TECPR2: variants seen among roughly 807,000 people sequenced by gnomAD.
The protein encoded by TECPR2 is tectonin beta-propeller repeat containing 2, also known as tectonin beta-propeller repeat-containing protein 2.
TECPR2 carries 65 observed loss-of-function variants against 138.1 expected under a neutral mutation model. The observed-to-expected ratio is 0.47, with a 90% CI of 0.39 to 0.58. TECPR2 has a LOEUF of 0.58. TECPR2 is among the 20% of genes least tolerant of loss of function. TECPR2 has a pLI of 0.00. For missense variants in TECPR2, 1,553 were observed against 1,824.5 expected, an observed-to-expected ratio of 0.85 and a Z score of 2.71; for synonymous variants, 746 against 749.8, an observed-to-expected ratio of 0.99 and a Z score of 0.08.
intron 16 of TECPR2, among the ~76,000 whole-genome samples, chr14:102,457,582 T>C (rs1595136496): frequency 6.6e-6 from 1 of 151,872 alleles, no homozygotes; most frequent in Admixed American, 6.6e-5. Flanking sequence ...TTAATTGGGG[T>C]GCTTCATTTA....
At chr14:102,470,639 CTTTT>C (rs200949179) in intron 17 of TECPR2, among the ~76,000 whole-genome samples, 2 of 136,006 alleles carry the variant, frequency 1.5e-5, no homozygotes, top group Non-Finnish European at 3.2e-5. Context: ...TCTTCTTCTT[CTTTT>C]TTTTTTTTTT....
rs374214628 is a variant in TECPR2 at position 102,498,648 on chromosome 14, C to T, written c.*391C>T. On this transcript the variant is annotated 3_prime_UTR_variant, in exon 20 of 20. Coordinates refer to ENST00000359520, the MANE Select transcript of TECPR2 (RefSeq NM_014844.5). ...TGGTTTGGCCCAGGGCCTCCTTCCA[C>T]ATTAGTAGCCCCAGGGCCAGATGGA... The T allele has an allele frequency of 5.3e-4, 214 of 402,136 alleles. No homozygotes were observed. Among genetic ancestry groups the T allele is most frequent in the African/African-American group, 4.1e-3 (198 of 48,864 alleles). The allele number at this position is 402,136 out of a possible 1,614,324, so 24.9% of individuals were successfully genotyped here.
chr14:102,431,927 C>G lies in TECPR2; in HGVS notation c.1216C>G (p.Pro406Ala). The change falls in exon 8 of 20, where the codon CCA becomes GCA. Residue 406 changes from proline to alanine, a missense_variant. By Grantham distance (27) the Pro-to-Ala change is conservative (BLOSUM62 -1). Transcript: ENST00000359520. ...CATGGCCAGCTCCGTGGCCAGCGAGCCAAGGAGCAGGAGCAGCTCGCTCAA... is the reference window on the plus strand; with the variant it reads ...CATGGCCAGCTCCGTGGCCAGCGAGGCAAGGAGCAGGAGCAGCTCGCTCAA... The part of the protein sequence containing the change: ...SSMASSVASE[P>A]RSRSSSLNST... 5.0e-6 allele frequency: 8 copies of G among 1,611,242 alleles called. No individual in the cohort carries two copies. The African/African-American group carries it at 5.3e-5, about 11-fold the overall frequency.
chr14:102,399,435 G>A (rs1441898193), intron 2 of TECPR2, among the ~76,000 whole-genome samples: 4 of 152,106 alleles, frequency 2.6e-5, no homozygotes, highest in African/African-American at 7.2e-5. Flanking sequence ...AAAAATGGAG[G>A]GAGTTCATTA....
At chr14:102,455,785 G>T (rs1000282567) in intron 16 of TECPR2, among the ~76,000 whole-genome samples, 1 of 152,164 alleles carries the variant, frequency 6.6e-6, no homozygotes. Context: ...CTAATTTTTT[G>T]TATTTTTAGT....
rs79219078 is a variant in TECPR2, at chr14:102,363,151, C to G, written c.-73+35C>G. 1.8e-4 allele frequency: 61 copies of G among 340,236 alleles called. No individual in the cohort carries two copies. In the East Asian group the frequency reaches 2.8e-3, roughly 16 times the overall value. 21.1% of individuals were successfully genotyped at this position (340,236 alleles called of 1,614,324 possible). A position where few individuals can be genotyped will look rare whatever the true frequency, so the allele number is the denominator to read the frequency against. ...GCGACGCCGCAAGCGGCCCCGACGC[C>G]CCCGACGCCCCCGACGCCTGGCCCC... is the stretch of plus-strand genomic sequence containing the variant. On this transcript the variant is annotated intron_variant, in intron 1 of 19. Coordinates refer to ENST00000359520, the MANE Select transcript of TECPR2 (RefSeq NM_014844.5).
intron 17 of TECPR2, 109 bp from the exon 18 acceptor site, chr14:102,496,870 C>T: frequency 6.6e-7 from 1 of 1,514,402 alleles, no homozygotes; most frequent in Non-Finnish European, 8.9e-7. Flanking sequence ...GCGGGGCCCA[C>T]ACTGGCTGCT....
intron 16 of TECPR2, among the ~76,000 whole-genome samples, chr14:102,457,276 G>A (rs1890297783): frequency 1.3e-5 from 2 of 151,958 alleles, no homozygotes; most frequent in African/African-American, 2.4e-5. Context: ...GTAGAGACGG[G>A]GTTTCACCAT....
At chr14:102,481,829 C>T (rs1015915984) in intron 17 of TECPR2, among the ~76,000 whole-genome samples, 6 of 152,138 alleles carry the variant, frequency 3.9e-5, no homozygotes. Context: ...GAGAAGCATG[C>T]AGAGCTCTTG....
chr14:102,430,504 CTG>C (rs1889441508), intron 7 of TECPR2, among the ~76,000 whole-genome samples: 1 of 152,204 alleles, frequency 6.6e-6, no homozygotes, highest in African/African-American at 2.4e-5. Flanking sequence ...GCAGGAATTC[CTG>C]TGTCTTATGG....
At chr14:102,436,229 CTG>C in intron 9 of TECPR2, among the ~76,000 whole-genome samples, 1 of 152,302 alleles carries the variant, frequency 6.6e-6, no homozygotes, top group Middle Eastern at 3.4e-3. Context: ...CACTCACCCT[CTG>C]TGCTGTCATG....
chr14:102,465,311 G>A (rs1287967014), intron 17 of TECPR2, 22 bp downstream of exon 17: 1 of 1,611,444 alleles, frequency 6.2e-7, no homozygotes, highest in Admixed American at 1.7e-5. Context: ...TTAGCTGGTG[G>A]AACTCACTCT....
intron 19 of TECPR2, 81 bp from the exon 20 acceptor site, chr14:102,498,022 C>CGCCCAAGCTCCCAGCTCCATCGGT: frequency 2.0e-6 from 3 of 1,510,190 alleles, no homozygotes; most frequent in Non-Finnish European, 2.7e-6. Flanking sequence ...CCCAGACCTG[C>CGCCCAAGCTCCCAGCTCCATCGGT]GCCCAAGCTC....
At chr14:102,477,135 C>T (rs1448299453) in intron 17 of TECPR2, among the ~76,000 whole-genome samples, 1 of 152,122 alleles carries the variant, frequency 6.6e-6, no homozygotes, top group Non-Finnish European at 1.5e-5. Context: ...TTTGGGAGGC[C>T]AGGGCGGGTG....
In TECPR2 at chr14:102,501,559, G is replaced by A. The variant is rs932823128; in HGVS notation, c.*3302G>A. ...CTTGTTTCTCAAAAATAAATAAATA[G>A]AAGGAAATAAATGTAAAAATGCTGC... On this transcript the variant is annotated 3_prime_UTR_variant, in exon 20 of 20. Transcript: ENST00000359520. 1.3e-5 allele frequency: 2 copies of A among 152,004 alleles called. No homozygotes were observed. Among genetic ancestry groups the A allele is most frequent in the Non-Finnish European group, 2.9e-5 (2 of 68,008 alleles). The allele number at this position is 152,004 out of a possible 1,614,324, so 9.4% of individuals were successfully genotyped here. A position where few individuals can be genotyped will look rare whatever the true frequency, so the allele number is the denominator to read the frequency against.
In TECPR2 at chr14:102,426,376, T is replaced by C. The variant is rs1190539; in HGVS notation, c.951+1085T>C. ...AACAAAGCTGTTTAGTTTCAGTTTC[T>C]CCTTGTCTTAAGAGCAGAGCTTTTG... is the stretch of plus-strand genomic sequence containing the variant. On this transcript the variant is annotated intron_variant, in intron 6 of 19. Coordinates refer to ENST00000359520, the MANE Select transcript of TECPR2 (RefSeq NM_014844.5). Among the ~76,000 whole-genome samples, 146 of 152,276 alleles carry C rather than the reference T, an allele frequency of 9.6e-4. 2 individuals carry two copies. In the East Asian group the frequency reaches 0.024, roughly 25 times the overall value.
chr14:102,452,333 T>C lies in TECPR2; in HGVS notation c.3407-61T>C, dbSNP rs1890165031. 6 of 1,527,162 alleles carry C rather than the reference T, an allele frequency of 3.9e-6. No homozygotes were observed. In the South Asian group the frequency reaches 7.2e-5, roughly 18 times the overall value. The allele number at this position is 1,527,162 out of a possible 1,614,324, so 94.6% of individuals were successfully genotyped here. ...TGAAAGGCAAAGGCTGCCTTGTGCA[T>C]TTAGGGCAGGCGGCTTGGTGCAGAC... On this transcript the variant is annotated intron_variant, in intron 15 of 19. Coordinates refer to ENST00000359520, the MANE Select transcript of TECPR2 (RefSeq NM_014844.5).
At chr14:102,483,108 C>T (rs568093219) in intron 17 of TECPR2, among the ~76,000 whole-genome samples, 1 of 152,142 alleles carries the variant, frequency 6.6e-6, no homozygotes, top group Non-Finnish European at 1.5e-5. Context: ...GTCTCGGCCT[C>T]TCAAAGTGCT....
In TECPR2 at chr14:102,452,001, T is replaced by C. The variant is rs1221491988; in HGVS notation, c.3407-393T>C. ...CCCTCCCTCCCTCCAGGGCACCGAGTTGATAGTCTTCTCCTCTTGGTAAAA... is the reference window on the plus strand; with the variant it reads ...CCCTCCCTCCCTCCAGGGCACCGAGCTGATAGTCTTCTCCTCTTGGTAAAA... On this transcript the variant is annotated intron_variant, in intron 15 of 19. Transcript: ENST00000359520. Among the ~76,000 whole-genome samples, 5 of 151,958 alleles carry C rather than the reference T, an allele frequency of 3.3e-5. No individual in the cohort carries two copies. The South Asian group carries it at 1.0e-3, about 32-fold the overall frequency.
Sources: allele counts gnomAD v4.1 joint callset (sites outside exome capture counted in the v4.1 genomes callset), GRCh38; gene constraint gnomAD v4.1.1; transcripts MANE v1.5; gene names NCBI Gene and HGNC (gene_info 2026-07-23, HGNC 2026-07-21).